Variants in SNAP25 observed in about 807,000 individuals in gnomAD.
SNAP25 encodes synaptosomal-associated protein 25.
Under a neutral mutation model 28.7 loss-of-function variants are expected in SNAP25, and 3 were observed. The observed-to-expected ratio is 0.10, with a 90% confidence interval of 0.05 to 0.27. SNAP25 has a LOEUF of 0.27. SNAP25 is among the 10% of genes least tolerant of loss of function. The pLI, the probability that SNAP25 is intolerant of heterozygous loss-of-function variation, is 1.00. For missense variants in SNAP25, 117 were observed against 278.7 expected, an observed-to-expected ratio of 0.42 and a Z score of 4.13; for synonymous variants, 61 against 88.1, an observed-to-expected ratio of 0.69 and a Z score of 1.72.
At chr20:10,253,222 G>A (rs906012034) in intron 1 of SNAP25, among the ~76,000 whole-genome samples, 22 of 152,178 alleles carry the variant, frequency 1.4e-4, no homozygotes, top group Admixed American at 1.4e-3. Context: ...ACCGCAAGGA[G>A]TAGATGAGAG....
At chr20:10,248,704 C>T (rs73256331) in intron 1 of SNAP25, among the ~76,000 whole-genome samples, 3,055 of 152,292 alleles carry the variant, frequency 0.02, 107 homozygotes, top group African/African-American at 0.07. Context: ...CAAAGTAGTG[C>T]AGCCCCACTC....
intron 1 of SNAP25, among the ~76,000 whole-genome samples, chr20:10,238,639 G>A (rs1310790279): frequency 6.6e-6 from 1 of 152,176 alleles, no homozygotes; most frequent in South Asian, 2.1e-4. Flanking sequence ...GTTGGGCGTG[G>A]TGGCTCATGC....
At chr20:10,237,364 C>T (rs1253199380) in intron 1 of SNAP25, among the ~76,000 whole-genome samples, 3 of 152,200 alleles carry the variant, frequency 2.0e-5, no homozygotes, top group Admixed American at 1.3e-4. Flanking sequence ...ACAAATTCTA[C>T]ACCTCAGATT....
chr20:10,223,893 A>G (rs1206688105), intron 1 of SNAP25, among the ~76,000 whole-genome samples: 3 of 152,192 alleles, frequency 2.0e-5, no homozygotes, highest in Non-Finnish European at 2.9e-5. Flanking sequence ...ATATGTTCAG[A>G]TATAGTATTA....
intron 1 of SNAP25, among the ~76,000 whole-genome samples, chr20:10,271,724 G>C (rs2063596034): frequency 6.6e-6 from 1 of 152,182 alleles, no homozygotes; most frequent in South Asian, 2.1e-4. Flanking sequence ...GTGTGAGAGA[G>C]AGGGAGAGCG....
intron 1 of SNAP25, among the ~76,000 whole-genome samples, chr20:10,257,129 A>T (rs1358179647): frequency 6.6e-6 from 1 of 152,214 alleles, no homozygotes; most frequent in Non-Finnish European, 1.5e-5. Context: ...TTACCGGGGC[A>T]TCAAGATTCT....
intron 1 of SNAP25, among the ~76,000 whole-genome samples, chr20:10,221,370 A>C (rs1015246804): frequency 1.3e-5 from 2 of 152,202 alleles, no homozygotes; most frequent in African/African-American, 4.8e-5. Flanking sequence ...AAATTTAAAA[A>C]ATATATCATT....
Position 10,280,527 on chromosome 20 carries a change from T to C in SNAP25, c.114+2801T>C, listed in dbSNP as rs2063761775. ...TAGCTCTGCAAATTCAAGGCCATAT[T>C]TGCCTTAGGTGCATAGGGGAGGGAA... On this transcript the variant is annotated intron_variant, in intron 3 of 7. Transcript: ENST00000254976. 2.0e-5 allele frequency among the ~76,000 whole-genome samples: 3 copies of C among 152,212 alleles called. No homozygotes were observed. The South Asian group carries it at 6.2e-4, about 31-fold the overall frequency.
At chr20:10,251,017 C>T (rs915432522) in intron 1 of SNAP25, among the ~76,000 whole-genome samples, 2 of 152,152 alleles carry the variant, frequency 1.3e-5, no homozygotes, top group Non-Finnish European at 2.9e-5. Context: ...CCTAATGACG[C>T]ATTTCCTAGA....
chr20:10,227,113 GGGATCAAGTAGAATTATGTAGTGATTCT>G (rs1327946450), intron 1 of SNAP25, among the ~76,000 whole-genome samples: 28 of 152,136 alleles, frequency 1.8e-4, no homozygotes, highest in African/African-American at 6.3e-4. Context: ...TCAGTGATTC[GGGATCAAGTAGAATTATGTAGTGATTCT>G]GGATCAAGTA....
At chr20:10,285,760 G>GA (rs1338637751) in intron 4 of SNAP25, among the ~76,000 whole-genome samples, 1 of 152,118 alleles carries the variant, frequency 6.6e-6, no homozygotes, top group African/African-American at 2.4e-5. Context: ...GCATATCAAA[G>GA]AAAAGGGCAG....
chr20:10,256,411 T>G (rs1208165867), intron 1 of SNAP25, among the ~76,000 whole-genome samples: 2 of 152,174 alleles, frequency 1.3e-5, no homozygotes, highest in African/African-American at 4.8e-5. Flanking sequence ...TTTCCGTATG[T>G]ACACTAAAAC....
At chr20:10,275,385 G>A (rs1309739039) in intron 1 of SNAP25, 44 bp from the exon 2 acceptor site, 8 of 966,506 alleles carry the variant, frequency 8.3e-6, no homozygotes, top group Non-Finnish European at 1.2e-5. Flanking sequence ...ACACCTACAT[G>A]AACATATATA....
chr20:10,293,380 G>T lies in SNAP25; in HGVS notation c.281+102G>T. On this transcript the variant is annotated intron_variant, in intron 5 of 7. Transcript: ENST00000254976. This position sits in a 1 kb window ranked among gnomAD's most constrained non-coding sequence, Gnocchi z 5.6. ...AGCTCATAGGCAGGATGAGCATGTG[G>T]CATGCAGAACAGATCAATACCGTCT... 1 of 844,284 alleles carries T rather than the reference G, an allele frequency of 1.2e-6. No homozygotes were observed. The allele number at this position is 844,284 out of a possible 1,614,324, so 52.3% of individuals were successfully genotyped here. A position where few individuals can be genotyped will look rare whatever the true frequency, so the allele number is the denominator to read the frequency against.
intron 1 of SNAP25, among the ~76,000 whole-genome samples, chr20:10,247,431 C>T (rs879418887): frequency 6.6e-6 from 1 of 152,114 alleles, no homozygotes; most frequent in Non-Finnish European, 1.5e-5. Flanking sequence ...CCTTTTAGAC[C>T]AACACAGGCA....
At chr20:10,247,971 T>C (rs1020761232) in intron 1 of SNAP25, among the ~76,000 whole-genome samples, 2 of 152,194 alleles carry the variant, frequency 1.3e-5, no homozygotes, top group Non-Finnish European at 2.9e-5. Context: ...TGGTTTAGAG[T>C]GCCTTAGCTA....
At chr20:10,253,491 A>C (rs2063266127) in intron 1 of SNAP25, among the ~76,000 whole-genome samples, 1 of 152,144 alleles carries the variant, frequency 6.6e-6, no homozygotes, top group Non-Finnish European at 1.5e-5. Flanking sequence ...CACCCACATC[A>C]CATAGAGCTG....
Position 10,293,917 on chromosome 20 carries a change from G to A in SNAP25, c.281+639G>A, listed in dbSNP as rs1473090878. On this transcript the variant is annotated intron_variant, in intron 5 of 7. Coordinates refer to ENST00000254976, the MANE Select transcript of SNAP25 (RefSeq NM_130811.4). The surrounding 1 kb of genome is among the most constrained non-coding windows in gnomAD (Gnocchi z 5.6). Reference sequence around the variant, plus strand: ...TCCTTGGAAGATCTACCCGTACACTGGCTGAAATGTTGAAATGTGTAGATT... The same window carrying A: ...TCCTTGGAAGATCTACCCGTACACTAGCTGAAATGTTGAAATGTGTAGATT... 6.6e-6 allele frequency among the ~76,000 whole-genome samples: 1 copy of A among 152,176 alleles called. No homozygotes were observed. Among genetic ancestry groups the A allele is most frequent in the Non-Finnish European group, 1.5e-5 (1 of 68,036 alleles).
intron 1 of SNAP25, among the ~76,000 whole-genome samples, chr20:10,240,700 G>A (rs766760454): frequency 3.3e-5 from 5 of 152,286 alleles, no homozygotes; most frequent in Middle Eastern, 3.4e-3. Context: ...GCCAGGCCTC[G>A]TTCTGAACTG....
Sources: gnomAD v4.1 joint callset for allele counts (sites outside exome capture counted in the v4.1 genomes callset) on GRCh38, gnomAD v4.1.1 for gene constraint, Gnocchi (gnomAD v3.1) non-coding constraint, MANE v1.5 for transcripts, NCBI Gene and HGNC (gene_info 2026-07-23, HGNC 2026-07-21) for gene names.